PPP1R9A: variants seen among roughly 807,000 people sequenced by gnomAD.
PPP1R9A encodes the protein protein phosphatase 1 regulatory subunit 9A, also known as neurabin-1.
PPP1R9A carries 59 observed loss-of-function variants against 141.9 expected under a neutral mutation model. The ratio of observed to expected loss-of-function variants is 0.42; its 90% CI spans 0.34 to 0.52. The LOEUF is 0.52. Among genes scored for constraint, PPP1R9A ranks in the 20% least tolerant of loss-of-function variants. The pLI, the probability that PPP1R9A is intolerant of heterozygous loss-of-function variation, is 0.10. For synonymous variants in PPP1R9A, 500 were observed against 569.7 expected (o/e 0.88, Z 1.74); for missense variants, 1,444 against 1,611.9 (o/e 0.90, Z 1.78).
chr7:95,253,230 C>G (rs533804846), intron 12 of PPP1R9A, among the ~76,000 whole-genome samples: 6 of 151,986 alleles, frequency 3.9e-5, no homozygotes, highest in African/African-American at 1.2e-4. Context: ...ATGACAGGAC[C>G]GACAACTCAG....
chr7:95,215,136 AC>A (rs1266811503), intron 7 of PPP1R9A, among the ~76,000 whole-genome samples: 1 of 104,056 alleles, frequency 9.6e-6, no homozygotes, highest in African/African-American at 3.8e-5. Flanking sequence ...CCCACCCACA[AC>A]AGGCCCCGGT....
chr7:94,969,730 C>T (rs929915521), intron 2 of PPP1R9A, among the ~76,000 whole-genome samples: 2 of 152,188 alleles, frequency 1.3e-5, no homozygotes, highest in African/African-American at 4.8e-5. Context: ...TTTAAGTCTG[C>T]TGAAGCTGCG....
intron 2 of PPP1R9A, among the ~76,000 whole-genome samples, chr7:94,996,482 T>G (rs1802185901): frequency 6.6e-6 from 1 of 152,166 alleles, no homozygotes; most frequent in African/African-American, 2.4e-5. Flanking sequence ...TTCTCTTTTT[T>G]GCTGGTTTTT....
intron 16 of PPP1R9A, among the ~76,000 whole-genome samples, chr7:95,281,644 T>C (rs1191290713): frequency 6.6e-6 from 1 of 152,210 alleles, no homozygotes; most frequent in Admixed American, 6.5e-5. Flanking sequence ...CCAAAAGTCC[T>C]TTTCAACTAA....
intron 2 of PPP1R9A, among the ~76,000 whole-genome samples, chr7:95,064,017 C>T (rs549540403): frequency 6.6e-6 from 1 of 152,230 alleles, no homozygotes; most frequent in South Asian, 2.1e-4. Flanking sequence ...TAATAGTTAA[C>T]TAGGACTTCT....
intron 5 of PPP1R9A, among the ~76,000 whole-genome samples, chr7:95,181,907 T>C (rs1004764073): frequency 2.0e-5 from 3 of 151,224 alleles, no homozygotes; most frequent in Non-Finnish European, 4.4e-5. Context: ...GAGACTATTA[T>C]ACTAAGTGAA....
chr7:95,033,257 G>A (rs1029976883), intron 2 of PPP1R9A, among the ~76,000 whole-genome samples: 5 of 144,818 alleles, frequency 3.5e-5, no homozygotes, highest in Non-Finnish European at 6.0e-5. Flanking sequence ...CTCGTGATCC[G>A]CCCGCCTTGG....
intron 2 of PPP1R9A, among the ~76,000 whole-genome samples, chr7:94,950,432 C>T (rs1188322271): frequency 6.6e-6 from 1 of 151,948 alleles, no homozygotes; most frequent in South Asian, 2.1e-4. Context: ...GGCAAGTTTT[C>T]TCATCTTGTT....
chr7:94,967,846 A>G (rs867515815), intron 2 of PPP1R9A, among the ~76,000 whole-genome samples: 1 of 152,158 alleles, frequency 6.6e-6, no homozygotes. Flanking sequence ...GGTCAATTTT[A>G]GAATAAGTGC....
intron 2 of PPP1R9A, among the ~76,000 whole-genome samples, chr7:95,020,440 G>A (rs1805778221): frequency 6.6e-6 from 1 of 151,970 alleles, no homozygotes; most frequent in Non-Finnish European, 1.5e-5. Context: ...ATAGAAAAGA[G>A]CTACATTTTT....
intron 14 of PPP1R9A, among the ~76,000 whole-genome samples, chr7:95,272,275 A>G (rs547678320): frequency 6.6e-6 from 1 of 152,312 alleles, no homozygotes; most frequent in East Asian, 1.9e-4. Flanking sequence ...GAGTTGCTTT[A>G]GGATTGATCT....
intron 2 of PPP1R9A, among the ~76,000 whole-genome samples, chr7:95,000,397 C>T (rs1211210258): frequency 6.6e-6 from 1 of 152,088 alleles, no homozygotes; most frequent in African/African-American, 2.4e-5. Context: ...GTTTACATCT[C>T]TATGATGTAT....
intron 8 of PPP1R9A, among the ~76,000 whole-genome samples, chr7:95,226,801 A>G (rs1007626081): frequency 6.6e-6 from 1 of 152,168 alleles, no homozygotes; most frequent in Non-Finnish European, 1.5e-5. Flanking sequence ...TCCTGAGGCA[A>G]TGTGCTCTCA....
chr7:95,287,048 T>A, intron 18 of PPP1R9A: 1 of 1,512,468 alleles, frequency 6.6e-7, no homozygotes, highest in South Asian at 1.1e-5. Context: ...GTACTATATA[T>A]GTTGTGTCTC....
chr7:95,164,495 T>G (rs1289691696), intron 5 of PPP1R9A, among the ~76,000 whole-genome samples: 1 of 152,260 alleles, frequency 6.6e-6, no homozygotes. Context: ...GAAATTCTGC[T>G]TGGGATTCAA....
At chr7:95,092,459 G>A (rs1817489581) in intron 2 of PPP1R9A, among the ~76,000 whole-genome samples, 1 of 151,910 alleles carries the variant, frequency 6.6e-6, no homozygotes, top group African/African-American at 2.4e-5. Flanking sequence ...GTGGAAGCCA[G>A]CAGGGTGGAC....
At chr7:95,178,470 G>C (rs1833219042) in intron 5 of PPP1R9A, among the ~76,000 whole-genome samples, 1 of 151,566 alleles carries the variant, frequency 6.6e-6, no homozygotes, top group Admixed American at 6.6e-5. Context: ...TCACACCTCA[G>C]GGAACTAGAG....
At chr7:95,131,574 T>C (rs187426785) in intron 4 of PPP1R9A, among the ~76,000 whole-genome samples, 2 of 152,308 alleles carry the variant, frequency 1.3e-5, no homozygotes, top group East Asian at 1.9e-4. Context: ...TGCCTCCTGC[T>C]TTGTTCTTTT....
intron 2 of PPP1R9A, among the ~76,000 whole-genome samples, chr7:94,950,206 A>G (rs1796322879): frequency 6.6e-6 from 1 of 152,118 alleles, no homozygotes; most frequent in African/African-American, 2.4e-5. Flanking sequence ...CATTCTTGGA[A>G]TATGAAATTT....
Sources: allele counts gnomAD v4.1 joint callset (sites outside exome capture counted in the v4.1 genomes callset), GRCh38; gene constraint gnomAD v4.1.1; transcripts MANE v1.5; gene names NCBI Gene and HGNC (gene_info 2026-07-23, HGNC 2026-07-21).